ROBO1: variants seen among roughly 807,000 people sequenced by gnomAD.
ROBO1 encodes roundabout homolog 1.
Under a neutral mutation model 195.9 loss-of-function variants are expected in ROBO1, and 149 were observed. The observed-to-expected ratio is 0.76, with a 90% CI of 0.67 to 0.87. The LOEUF (loss-of-function observed/expected upper bound fraction) is 0.87. ROBO1 is among the 40% of genes least tolerant of loss of function. The pLI is 0.00. For synonymous variants in ROBO1, 816 were observed against 733.2 expected (o/e 1.11, Z -1.82); for missense variants, 1,933 against 2,068.3 (o/e 0.93, Z 1.27).
At chr3:78,682,670 TATATACACGTATATATACAC>T (rs2080951483) in intron 10 of ROBO1, among the ~76,000 whole-genome samples, 2 of 147,410 alleles carry the variant, frequency 1.4e-5, no homozygotes, top group East Asian at 3.9e-4. Context: ...TATATACGTA[TATATACACGTATATATACAC>T]ACAGTAATAT....
chr3:79,295,313 G>A (rs772565238), intron 2 of ROBO1, among the ~76,000 whole-genome samples: 4 of 152,140 alleles, frequency 2.6e-5, no homozygotes. Flanking sequence ...AATGGATGAA[G>A]TTAGAAACCA....
intron 1 of ROBO1, among the ~76,000 whole-genome samples, chr3:79,763,697 C>A (rs75706444): frequency 0.078 from 11,907 of 152,030 alleles, 552 homozygotes; most frequent in Non-Finnish European, 0.11. Context: ...GCTCTGACCC[C>A]CAGAGATGAT....
At chr3:79,023,609 G>A (rs2078143400) in intron 3 of ROBO1, among the ~76,000 whole-genome samples, 1 of 146,746 alleles carries the variant, frequency 6.8e-6, no homozygotes, top group Admixed American at 6.9e-5. Context: ...ACAGGGAGGA[G>A]AAATTCCCAG....
intron 2 of ROBO1, among the ~76,000 whole-genome samples, chr3:79,261,790 A>T (rs576054408): frequency 6.6e-6 from 1 of 152,206 alleles, no homozygotes; most frequent in South Asian, 2.1e-4. Context: ...TGTCAAGTCA[A>T]ATACTATTTA....
intron 2 of ROBO1, among the ~76,000 whole-genome samples, chr3:79,528,231 A>G (rs963393170): frequency 3.9e-5 from 6 of 152,206 alleles, no homozygotes; most frequent in African/African-American, 1.4e-4. Context: ...AGCTCATTTT[A>G]TTACTGTTTA....
intron 27 of ROBO1, 64 bp downstream of exon 27, chr3:78,617,571 T>A: frequency 6.9e-7 from 1 of 1,456,434 alleles, no homozygotes; most frequent in Non-Finnish European, 9.3e-7. Flanking sequence ...TAGGACAGAA[T>A]CAGCAACAAA....
chr3:79,328,689 T>C (rs1201026718), intron 2 of ROBO1, among the ~76,000 whole-genome samples: 1 of 152,102 alleles, frequency 6.6e-6, no homozygotes, highest in Non-Finnish European at 1.5e-5. Context: ...GTAAGTTCTT[T>C]AGTGGTAATT....
intron 3 of ROBO1, among the ~76,000 whole-genome samples, chr3:79,010,307 C>T (rs1470298510): frequency 6.6e-6 from 1 of 152,092 alleles, no homozygotes; most frequent in African/African-American, 2.4e-5. Context: ...TATGTCCTCA[C>T]TCTACTACTT....
chr3:79,473,182 C>G (rs954319575), intron 2 of ROBO1, among the ~76,000 whole-genome samples: 2 of 152,032 alleles, frequency 1.3e-5, no homozygotes, highest in Admixed American at 1.3e-4. Context: ...GACTGGCATC[C>G]TTTATTAGAG....
chr3:79,696,529 T>G (rs1422963952), intron 1 of ROBO1, among the ~76,000 whole-genome samples: 4 of 150,734 alleles, frequency 2.7e-5, no homozygotes, highest in African/African-American at 7.3e-5. Context: ...AAGACATCCA[T>G]GGCAATGAAT....
At chr3:78,626,008 C>T (rs919266886) in intron 26 of ROBO1, among the ~76,000 whole-genome samples, 2 of 151,680 alleles carry the variant, frequency 1.3e-5, no homozygotes, top group African/African-American at 4.8e-5. Context: ...AAAGGAAAAC[C>T]GATTTCTGTT....
chr3:79,485,074 GACTCTGAA>G (rs1939087465), intron 2 of ROBO1, among the ~76,000 whole-genome samples: 1 of 151,988 alleles, frequency 6.6e-6, no homozygotes, highest in Non-Finnish European at 1.5e-5. Flanking sequence ...TCTTAGAAAA[GACTCTGAA>G]ATCTTTCAGG....
intron 1 of ROBO1, among the ~76,000 whole-genome samples, chr3:79,616,866 C>T (rs1239232249): frequency 6.6e-6 from 1 of 152,098 alleles, no homozygotes; most frequent in Non-Finnish European, 1.5e-5. Context: ...GCTCATGTCC[C>T]ACTCCATATG....
intron 2 of ROBO1, among the ~76,000 whole-genome samples, chr3:79,241,613 T>G (rs1454876940): frequency 6.6e-6 from 1 of 151,656 alleles, no homozygotes. Flanking sequence ...GCCTATAATA[T>G]TGGGTTATTA....
rs575227577 is a variant in ROBO1 at position 78,673,407 on chromosome 3, G to C, written c.1343-3106C>G. ...AGGTGCTGTAATATATATTACAGCA[G>C]GGTTACACCACCTGTTATAAATATA... On this transcript the variant is annotated intron_variant, in intron 10 of 30. Transcript: ENST00000464233. 9.2e-4 allele frequency among the ~76,000 whole-genome samples: 134 copies of C among 146,112 alleles called. No individual in the cohort carries two copies. In the Middle Eastern group the frequency reaches 0.011, roughly 12 times the overall value.
At chr3:78,717,642 C>A in intron 6 of ROBO1, 121 bp downstream of exon 6, 1 of 1,163,208 alleles carries the variant, frequency 8.6e-7, no homozygotes, top group South Asian at 1.6e-5. Context: ...TTCTTCTCTC[C>A]TCTTTCTACC....
At chr3:79,008,318 A>C (rs1403985047) in intron 3 of ROBO1, among the ~76,000 whole-genome samples, 1 of 152,196 alleles carries the variant, frequency 6.6e-6, no homozygotes, top group African/African-American at 2.4e-5. Context: ...AACATTCCTT[A>C]AAGTGTCTAA....
At chr3:79,380,173 T>C (rs773292344) in intron 2 of ROBO1, among the ~76,000 whole-genome samples, 3 of 152,200 alleles carry the variant, frequency 2.0e-5, no homozygotes, top group Non-Finnish European at 4.4e-5. Context: ...AGTTCCTTTC[T>C]CTTCCAGGTT....
At chr3:79,142,655 C>T (rs1352093588) in intron 2 of ROBO1, among the ~76,000 whole-genome samples, 1 of 151,968 alleles carries the variant, frequency 6.6e-6, no homozygotes, top group East Asian at 1.9e-4. Flanking sequence ...TTGATTAGCA[C>T]ATGTGTGGGA....
Sources: allele counts gnomAD v4.1 joint callset (sites outside exome capture counted in the v4.1 genomes callset), GRCh38; gene constraint gnomAD v4.1.1; transcripts MANE v1.5; gene names NCBI Gene and HGNC (gene_info 2026-07-23, HGNC 2026-07-21).